Variants in LRMDA observed in about 807,000 individuals in gnomAD.
LRMDA encodes the protein leucine rich melanocyte differentiation associated.
A neutral mutation model predicts 29.8 loss-of-function variants in LRMDA; 18 were observed. The ratio of observed to expected loss-of-function variants is 0.60; its 90% CI spans 0.42 to 0.90. The LOEUF (loss-of-function observed/expected upper bound fraction) is 0.90. LRMDA is among the 40% of genes least tolerant of loss of function. LRMDA has a pLI of 0.00. For synonymous variants in LRMDA, 125 were observed against 109.4 expected, an observed-to-expected ratio of 1.14 and a Z score of -0.89; for missense variants, 273 against 273.9, an observed-to-expected ratio of 1.00 and a Z score of 0.02.
chr10:75,925,404 G>C (rs1043995469), intron 2 of LRMDA, among the ~76,000 whole-genome samples: 3 of 152,188 alleles, frequency 2.0e-5, no homozygotes, highest in Non-Finnish European at 2.9e-5. Context: ...TTGCTTGAGA[G>C]TGTTAGCGTC....
At chr10:75,952,443 G>A (rs1325263093) in intron 2 of LRMDA, among the ~76,000 whole-genome samples, 1 of 152,152 alleles carries the variant, frequency 6.6e-6, no homozygotes, top group Non-Finnish European at 1.5e-5. Context: ...GGAGATAAGT[G>A]TTGAAGAAAA....
intron 2 of LRMDA, among the ~76,000 whole-genome samples, chr10:75,579,856 T>C (rs924810703): frequency 2.0e-5 from 3 of 152,304 alleles, no homozygotes; most frequent in African/African-American, 2.4e-5. Context: ...AAAAGTCCTT[T>C]GACAAAATTC....
At chr10:75,463,254 TC>T (rs1182046825) in intron 2 of LRMDA, among the ~76,000 whole-genome samples, 1 of 152,092 alleles carries the variant, frequency 6.6e-6, no homozygotes, top group African/African-American at 2.4e-5. Flanking sequence ...TGCACACACA[TC>T]CCCGGGGAAC....
chr10:76,501,373 C>T (rs1003465734), intron 6 of LRMDA, among the ~76,000 whole-genome samples: 1 of 151,886 alleles, frequency 6.6e-6, no homozygotes, highest in African/African-American at 2.4e-5. Context: ...AATTTATTTT[C>T]TTCTGGGTGT....
chr10:76,460,706 G>A (rs1265221711), intron 6 of LRMDA, among the ~76,000 whole-genome samples: 2 of 152,198 alleles, frequency 1.3e-5, no homozygotes, highest in Admixed American at 6.5e-5. Context: ...ACGTAGAAGG[G>A]TGGATGGGAA....
chr10:75,558,050 A>ATTTTGTTGTTTTG, intron 2 of LRMDA, among the ~76,000 whole-genome samples: 1 of 152,104 alleles, frequency 6.6e-6, no homozygotes, highest in Non-Finnish European at 1.5e-5. Context: ...GCACTGCTTC[A>ATTTTGTTGTTTTG]TCGGACAAAC....
intron 2 of LRMDA, among the ~76,000 whole-genome samples, chr10:75,740,231 G>T (rs1842812997): frequency 6.6e-6 from 1 of 152,206 alleles, no homozygotes; most frequent in Admixed American, 6.5e-5. Context: ...GATGATGGAG[G>T]TGCGATGTTC....
At chr10:75,919,882 C>T (rs1021232624) in intron 2 of LRMDA, among the ~76,000 whole-genome samples, 6 of 152,036 alleles carry the variant, frequency 3.9e-5, no homozygotes, top group African/African-American at 1.2e-4. Flanking sequence ...CTGACACGTC[C>T]GAGTAGGCAG....
At chr10:76,327,195 G>A (rs970243900) in intron 6 of LRMDA, among the ~76,000 whole-genome samples, 22 of 151,190 alleles carry the variant, frequency 1.5e-4, no homozygotes, top group Non-Finnish European at 1.9e-4. Flanking sequence ...GGGTTCAAGC[G>A]ATTCTCCTGC....
At chr10:76,027,504 G>A (rs1376211204) in intron 2 of LRMDA, among the ~76,000 whole-genome samples, 1 of 152,156 alleles carries the variant, frequency 6.6e-6, no homozygotes, top group Non-Finnish European at 1.5e-5. Context: ...GGGAGATATA[G>A]ATAGGTATCA....
At chr10:76,128,765 T>G (rs1204978534) in intron 5 of LRMDA, among the ~76,000 whole-genome samples, 1 of 152,136 alleles carries the variant, frequency 6.6e-6, no homozygotes, top group Non-Finnish European at 1.5e-5. Flanking sequence ...ACCTTTTTGG[T>G]TGACACAATT....
intron 5 of LRMDA, among the ~76,000 whole-genome samples, chr10:76,064,872 T>G (rs1378469692): frequency 6.6e-6 from 1 of 152,212 alleles, no homozygotes; most frequent in Non-Finnish European, 1.5e-5. Context: ...ATTTAAAATA[T>G]TGGTTGTTTT....
intron 2 of LRMDA, among the ~76,000 whole-genome samples, chr10:75,605,594 C>T (rs961889678): frequency 2.6e-5 from 4 of 152,226 alleles, no homozygotes; most frequent in Non-Finnish European, 4.4e-5. Context: ...CTAACGCATC[C>T]TTTCTGGGCA....
At chr10:76,342,013 G>A (rs756473553) in intron 6 of LRMDA, among the ~76,000 whole-genome samples, 8 of 152,170 alleles carry the variant, frequency 5.3e-5, no homozygotes, top group Admixed American at 2.6e-4. Flanking sequence ...GCAAAATTCT[G>A]GAAGAGCATG....
chr10:76,130,900 T>C (rs889951170), intron 5 of LRMDA, among the ~76,000 whole-genome samples: 6 of 152,102 alleles, frequency 3.9e-5, no homozygotes, highest in Admixed American at 1.3e-4. Context: ...TGACCTCAGG[T>C]GATCCACTCG....
At chr10:76,051,504 G>T (rs1848531108) in intron 4 of LRMDA, among the ~76,000 whole-genome samples, 2 of 152,186 alleles carry the variant, frequency 1.3e-5, no homozygotes, top group African/African-American at 4.8e-5. Context: ...AGCATCTGCA[G>T]TTATTCCACT....
intron 5 of LRMDA, among the ~76,000 whole-genome samples, chr10:76,095,416 A>G (rs1849297794): frequency 6.6e-6 from 1 of 152,248 alleles, no homozygotes; most frequent in Admixed American, 6.5e-5. Context: ...GGTGATTATG[A>G]ATAAAGCTGC....
intron 2 of LRMDA, among the ~76,000 whole-genome samples, chr10:76,017,227 G>C (rs1257664214): frequency 6.6e-6 from 1 of 152,252 alleles, no homozygotes; most frequent in Non-Finnish European, 1.5e-5. Flanking sequence ...GCGAAGGCCA[G>C]AGTTAGGCTG....
chr10:75,614,408 A>G (rs1032996529), intron 2 of LRMDA, among the ~76,000 whole-genome samples: 3 of 152,114 alleles, frequency 2.0e-5, no homozygotes, highest in African/African-American at 7.2e-5. Flanking sequence ...GTCATTAATC[A>G]CGGCCATTAG....
Sources: allele counts gnomAD v4.1 joint callset (sites outside exome capture counted in the v4.1 genomes callset), GRCh38; gene constraint gnomAD v4.1.1; transcripts MANE v1.5; gene names NCBI Gene and HGNC (gene_info 2026-07-23, HGNC 2026-07-21).